LBHD1: variants seen among roughly 807,000 people sequenced by gnomAD.
LBHD1 encodes LBH domain-containing protein 1.
In LBHD1, 28 loss-of-function variants were observed where a neutral mutation model predicts 31.1. The observed-to-expected ratio is 0.90, with a 90% CI of 0.67 to 1.24. LBHD1 has a LOEUF of 1.24. Among genes scored for constraint, LBHD1 ranks in the 50% most tolerant of loss-of-function variants. The pLI is 0.00. For missense variants in LBHD1, 350 were observed against 323.0 expected (o/e 1.08, Z -0.64); for synonymous variants, 105 against 116.5 (o/e 0.90, Z 0.63).
intron 3 of LBHD1, among the ~76,000 whole-genome samples, chr11:62,669,020 G>A (rs1446309802): frequency 2.7e-5 from 4 of 150,746 alleles, no homozygotes; most frequent in African/African-American, 7.3e-5. Flanking sequence ...TCCACATCCC[G>A]GGTTCACGCC....
chr11:62,669,743 C>A lies in LBHD1; in HGVS notation c.211G>T (p.Glu71Ter), dbSNP rs770656490. 1 of 1,614,238 alleles carries A rather than the reference C, an allele frequency of 6.2e-7. No individual in the cohort carries two copies. The highest frequency in any genetic ancestry group is 1.1e-5 in the South Asian group (1 of 91,090). Residue 71 changes from glutamate to a stop codon, truncating the protein, a stop_gained, in exon 3 of 7, where the codon GAG (glutamate) becomes TAG (stop). Coordinates refer to ENST00000354588, the MANE Select transcript of LBHD1 (RefSeq NM_024099.5). LOFTEE classifies it high-confidence loss of function. ...IVVESSEVNE[E>*]SGDLHLPHEE... ...TGGGGCAAATGGAGATCCCCACTCT[C>A]TTCATTCACCTCACTGGATTCCACC...
intron 4 of LBHD1, chr11:62,666,386 G>T: frequency 6.2e-7 from 1 of 1,606,434 alleles, no homozygotes. Flanking sequence ...CCCTCCAACC[G>T]TGCCCACAGG....
In LBHD1 at chr11:62,671,791, G is replaced by A; in HGVS notation, c.-238C>T. 3 of 1,614,146 alleles carry A rather than the reference G, an allele frequency of 1.9e-6. No homozygotes were observed. Among genetic ancestry groups the A allele is most frequent in the Non-Finnish European group, 2.5e-6 (3 of 1,180,032 alleles). ...GCTGATCTCAGTCGCAATGCTGGGCGCAGGGGCTGGCGTGGGCTACGCGCT... is the reference window on the plus strand; with the variant it reads ...GCTGATCTCAGTCGCAATGCTGGGCACAGGGGCTGGCGTGGGCTACGCGCT... On this transcript the variant is annotated 5_prime_UTR_variant, in exon 1 of 7. Coordinates refer to ENST00000354588, the MANE Select transcript of LBHD1 (RefSeq NM_024099.5).
In LBHD1 at chr11:62,665,938, C is replaced by T. The variant is rs1244727398; in HGVS notation, c.539-965G>A. 1.9e-6 allele frequency: 3 copies of T among 1,612,012 alleles called. No individual in the cohort carries two copies. Among genetic ancestry groups the T allele is most frequent in the African/African-American group, 2.7e-5 (2 of 74,896 alleles). On this transcript the variant is annotated intron_variant, in intron 4 of 6. Coordinates refer to ENST00000354588, the MANE Select transcript of LBHD1 (RefSeq NM_024099.5). ...AGCCTGATGATGGGGACGTGCCGCC[C>T]CTTTGCGGGTAGGGAGGTGGGGGCA...
chr11:62,665,606 C>G (rs763963891), intron 4 of LBHD1: 4 of 1,564,376 alleles, frequency 2.6e-6, no homozygotes, highest in East Asian at 2.3e-5. Context: ...ATCCAGCTGG[C>G]TCCTCCATCG....
chr11:62,669,837 T>G (rs1270724831), intron 2 of LBHD1, 34 bp from the exon 3 acceptor site: 1 of 1,614,012 alleles, frequency 6.2e-7, no homozygotes, highest in African/African-American at 1.3e-5. Flanking sequence ...TGGGCCAAAC[T>G]GGAGGGTAAG....
At chr11:62,667,122 C>G in intron 4 of LBHD1, 5 of 1,453,692 alleles carry the variant, frequency 3.4e-6, no homozygotes, top group East Asian at 4.6e-5. Context: ...TCTTTGCAAG[C>G]TATCTGGCTG....
At position 62,671,824 on chromosome 11, in the gene LBHD1, A is replaced by G. The variant is rs757354741; in HGVS notation, c.-271T>C. The G allele has an allele frequency of 2.5e-6, 4 of 1,613,968 alleles. No individual in the cohort carries two copies. The African/African-American group carries it at 5.3e-5, about 22-fold the overall frequency. On this transcript the variant is annotated 5_prime_UTR_variant, in exon 1 of 7. Coordinates refer to ENST00000354588, the MANE Select transcript of LBHD1 (RefSeq NM_024099.5). Reference sequence around the variant, plus strand: ...TGGCGTGGGCTACGCGCTCCTCGTTATCGTGACCCCGGGAGAGCGGCGGAA... The same window carrying G: ...TGGCGTGGGCTACGCGCTCCTCGTTGTCGTGACCCCGGGAGAGCGGCGGAA...
chr11:62,665,334 T>TA, intron 4 of LBHD1: 2 of 753,604 alleles, frequency 2.7e-6, no homozygotes, highest in East Asian at 2.7e-5. Context: ...GGTGAGCTAG[T>TA]AAGTGTGGTT....
chr11:62,663,292 C>T lies in LBHD1; in HGVS notation c.705G>A (p.Ala235=), dbSNP rs148572859. 31 of 1,614,050 alleles carry T rather than the reference C, an allele frequency of 1.9e-5. No homozygotes were observed. The highest frequency in any genetic ancestry group is 9.3e-5 in the African/African-American group (7 of 74,916). Residue 235 remains alanine, a synonymous_variant, in exon 6 of 7, where the codon GCG becomes GCA. Coordinates refer to ENST00000354588, the MANE Select transcript of LBHD1 (RefSeq NM_024099.5). ...CCGGATCTGCTGGAGGAGTTTTCTGCGCTTCTTCCCTGACAGTGTAATGTT... is the reference window on the plus strand; with the variant it reads ...CCGGATCTGCTGGAGGAGTTTTCTGTGCTTCTTCCCTGACAGTGTAATGTT... ...TCQHYTVREE[A]QKTPPADPAC...
chr11:62,669,929 A>G lies in LBHD1; in HGVS notation c.103T>C (p.Trp35Arg), dbSNP rs1182405210. ...ACCTTGCCAATTTTTCCTCTGTCCC[A>G]GAGAGGGTTGGGCAGCCTGGGACTT... ...PESPRLPNPL[W>R]DRGKIGKVEG... The change falls in exon 2 of 7, where the codon TGG (tryptophan) becomes CGG (arginine). Residue 35 changes from tryptophan to arginine, a missense_variant. Trp to Arg is a moderately radical substitution (Grantham distance 101). Transcript: ENST00000354588. 7 of 1,614,108 alleles carry G rather than the reference A, an allele frequency of 4.3e-6. No homozygotes were observed. The African/African-American group carries it at 8.0e-5, about 18-fold the overall frequency.
At chr11:62,665,320 G>A (rs1217943419) in intron 4 of LBHD1, 11 of 729,264 alleles carry the variant, frequency 1.5e-5, no homozygotes, top group African/African-American at 3.5e-5. Flanking sequence ...GCCTTTCGGA[G>A]GGTGGTGAGC....
intron 4 of LBHD1, chr11:62,665,341 G>A (rs1443615514): frequency 1.3e-6 from 1 of 778,382 alleles, no homozygotes; most frequent in Non-Finnish European, 2.1e-6. Context: ...TAGTAAGTGT[G>A]GTTTTAGCTG....
At chr11:62,667,792 A>G (rs757624529) in intron 3 of LBHD1, 45 bp from the exon 4 acceptor site, 1 of 1,350,194 alleles carries the variant, frequency 7.4e-7, no homozygotes, top group Non-Finnish European at 1.0e-6. Context: ...CTGATATATT[A>G]TCAAATTACA....
intron 4 of LBHD1, 197 bp from the exon 5 acceptor site, chr11:62,665,170 A>T: frequency 1.2e-6 from 1 of 867,342 alleles, no homozygotes; most frequent in Non-Finnish European, 1.9e-6. Flanking sequence ...GAGCTCCCAT[A>T]GTCGCGATTC....
At chr11:62,665,179 T>G in intron 4 of LBHD1, 1 of 818,700 alleles carries the variant, frequency 1.2e-6, no homozygotes, top group Non-Finnish European at 2.0e-6. Flanking sequence ...TAGTCGCGAT[T>G]CCACTCCAGT....
intron 4 of LBHD1, chr11:62,666,972 GCTGGA>G (rs1338419790): frequency 6.2e-7 from 1 of 1,614,202 alleles, no homozygotes; most frequent in Non-Finnish European, 8.5e-7. Flanking sequence ...GGGTCCTATG[GCTGGA>G]CTGTGACTGT....
At chr11:62,670,082 T>G in intron 1 of LBHD1, 41 bp from the exon 2 acceptor site, 1 of 1,548,736 alleles carries the variant, frequency 6.5e-7, no homozygotes, top group Non-Finnish European at 8.7e-7. Flanking sequence ...AGAGTACTGC[T>G]GCCCAGTGCA....
At chr11:62,663,910 T>C (rs1014657988) in intron 5 of LBHD1, among the ~76,000 whole-genome samples, 4 of 148,408 alleles carry the variant, frequency 2.7e-5, no homozygotes, top group African/African-American at 7.4e-5. Context: ...CCGTCTCTAC[T>C]AAAAATACAA....
Sources: allele counts gnomAD v4.1 joint callset (sites outside exome capture counted in the v4.1 genomes callset), GRCh38; gene constraint gnomAD v4.1.1; transcripts MANE v1.5; gene names NCBI Gene and HGNC (gene_info 2026-07-23, HGNC 2026-07-21).